CCNJL: variants seen among roughly 807,000 people sequenced by gnomAD.
The protein encoded by CCNJL is cyclin-J-like protein.
Under a neutral mutation model 33.4 loss-of-function variants are expected in CCNJL, and 33 were observed. The ratio of observed to expected loss-of-function variants is 0.99; its 90% CI spans 0.75 to 1.32. The LOEUF (loss-of-function observed/expected upper bound fraction) is 1.32, where lower values mean the gene tolerates loss of function less well. Among genes scored for constraint, CCNJL ranks in the 40% most tolerant of loss-of-function variants. The pLI is 0.00. For synonymous variants in CCNJL, 227 were observed against 220.9 expected (o/e 1.03, Z -0.24); for missense variants, 512 against 499.7 (o/e 1.02, Z -0.23).
chr5:160,324,200 C>T (rs1008594162), intron 1 of CCNJL, among the ~76,000 whole-genome samples: 2 of 152,208 alleles, frequency 1.3e-5, no homozygotes, highest in Admixed American at 6.5e-5. Flanking sequence ...TATGAATTGA[C>T]CTCCAGGAAG....
chr5:160,305,110 G>A (rs1430146006), intron 2 of CCNJL, among the ~76,000 whole-genome samples: 1 of 152,062 alleles, frequency 6.6e-6, no homozygotes, highest in Non-Finnish European at 1.5e-5. Flanking sequence ...CACCGCGCCT[G>A]GCCAGGTCAC....
At chr5:160,276,785 CTTTT>C (rs900068669) in intron 3 of CCNJL, among the ~76,000 whole-genome samples, 1 of 151,496 alleles carries the variant, frequency 6.6e-6, no homozygotes, top group African/African-American at 2.4e-5. Flanking sequence ...TTTTATCTCT[CTTTT>C]TTTTTCTTTT....
At chr5:160,286,610 C>G (rs1253479236) in intron 2 of CCNJL, among the ~76,000 whole-genome samples, 4 of 151,948 alleles carry the variant, frequency 2.6e-5, no homozygotes, top group Non-Finnish European at 4.4e-5. Context: ...TGCACTCCAG[C>G]CTGGGTGACA....
intron 3 of CCNJL, among the ~76,000 whole-genome samples, chr5:160,273,019 C>T (rs1407740440): frequency 6.6e-6 from 1 of 152,220 alleles, no homozygotes; most frequent in Non-Finnish European, 1.5e-5. Flanking sequence ...AGTAAATCCA[C>T]AAGCGCTGAT....
At chr5:160,269,267 T>C (rs1761731460) in intron 3 of CCNJL, among the ~76,000 whole-genome samples, 1 of 152,212 alleles carries the variant, frequency 6.6e-6, no homozygotes, top group South Asian at 2.1e-4. Flanking sequence ...TGCTCCGCTT[T>C]ACACGTGACC....
chr5:160,269,230 G>A (rs897848799), intron 3 of CCNJL, among the ~76,000 whole-genome samples: 1 of 152,172 alleles, frequency 6.6e-6, no homozygotes, highest in South Asian at 2.1e-4. Flanking sequence ...ATCACACTGC[G>A]GCCTCAGGCA....
chr5:160,303,700 C>CTCTG (rs1554123408), intron 2 of CCNJL, among the ~76,000 whole-genome samples: 10 of 104,232 alleles, frequency 9.6e-5, no homozygotes, highest in African/African-American at 3.9e-4. Context: ...CTCTGTGTGT[C>CTCTG]TGTGTGTGTG....
chr5:160,295,776 C>A (rs1762732664), intron 2 of CCNJL, among the ~76,000 whole-genome samples: 1 of 152,174 alleles, frequency 6.6e-6, no homozygotes, highest in Admixed American at 6.5e-5. Context: ...TCCCCTAGAG[C>A]CTTCAGAGGG....
At position 160,251,826 on chromosome 5, in the gene CCNJL, C is replaced by T. The variant is rs539527391; in HGVS notation, c.*1552G>A. On this transcript the variant is annotated 3_prime_UTR_variant, in exon 6 of 6. Coordinates refer to ENST00000257536, the MANE Select transcript of CCNJL (RefSeq NM_001308173.3). The stretch of plus-strand genomic sequence containing the variant: ...AGGTTGGCAAAGGAAAAAAAAACAA[C>T]AACAAATGAACGTGCAGCCTCCTAT... 2 of 152,272 alleles carry T rather than the reference C, an allele frequency of 1.3e-5. No individual in the cohort carries two copies. Among genetic ancestry groups the T allele is most frequent in the African/African-American group, 4.8e-5 (2 of 41,558 alleles). The allele number at this position is 152,272 out of a possible 1,614,324, so 9.4% of individuals were successfully genotyped here.
At chr5:160,282,318 G>C (rs73817377) in intron 2 of CCNJL, among the ~76,000 whole-genome samples, 2,589 of 150,414 alleles carry the variant, frequency 0.017, 72 homozygotes, top group African/African-American at 0.062. Flanking sequence ...GAATAAGATA[G>C]ACATAGACAT....
chr5:160,264,528 A>G (rs1761491396), intron 3 of CCNJL, among the ~76,000 whole-genome samples: 1 of 151,314 alleles, frequency 6.6e-6, no homozygotes, highest in Non-Finnish European at 1.5e-5. Context: ...CTGTGGATCC[A>G]GCTTACAGAC....
At chr5:160,297,437 A>G (rs1373946643) in intron 2 of CCNJL, among the ~76,000 whole-genome samples, 1 of 152,168 alleles carries the variant, frequency 6.6e-6, no homozygotes, top group Non-Finnish European at 1.5e-5. Flanking sequence ...TTCCTGAAAC[A>G]TGGCTCTGGG....
chr5:160,308,186 C>G (rs527845033), intron 2 of CCNJL, among the ~76,000 whole-genome samples: 2 of 152,340 alleles, frequency 1.3e-5, no homozygotes, highest in African/African-American at 4.8e-5. Context: ...TGTCTTGCAG[C>G]AACCCTAAGT....
intron 1 of CCNJL, among the ~76,000 whole-genome samples, chr5:160,327,294 G>A (rs934367008): frequency 6.6e-6 from 1 of 152,190 alleles, no homozygotes; most frequent in African/African-American, 2.4e-5. Flanking sequence ...TTTAGTGATA[G>A]CTACTTTGTG....
chr5:160,312,710 TC>T, upstream of CCNJL: 1 of 152,064 alleles, frequency 6.6e-6, no homozygotes, highest in Non-Finnish European at 1.5e-5. Context: ...CTGCCCGCCC[TC>T]CTCCCTCGCT....
intron 4 of CCNJL, among the ~76,000 whole-genome samples, chr5:160,257,529 A>C (rs1037499041): frequency 6.6e-6 from 1 of 151,450 alleles, no homozygotes; most frequent in African/African-American, 2.4e-5. Flanking sequence ...TGGGTAAGTT[A>C]CAGCTGGGTG....
chr5:160,336,032 C>T (rs1763680801), intron 1 of CCNJL, among the ~76,000 whole-genome samples: 1 of 152,164 alleles, frequency 6.6e-6, no homozygotes, highest in African/African-American at 2.4e-5. Flanking sequence ...TTCAGACTCT[C>T]CCCTTCTTTA....
In CCNJL at chr5:160,282,966, A is replaced by AATATATAT. The variant is rs70990720; in HGVS notation, c.67-2236_67-2229dup. ...GTGACCCAGCCATTCCAGTCCTTGG[A>AATATATAT]ATATATATATATATATATATATATA... On this transcript the variant is annotated intron_variant, in intron 2 of 5. Transcript: ENST00000257536. 5.8e-3 allele frequency among the ~76,000 whole-genome samples: 250 copies of AATATATAT among 43,278 alleles called. 8 individuals carry two copies. The highest frequency in any genetic ancestry group is 8.0e-3 in the Non-Finnish European group (168 of 21,080). The allele number at this position is 43,278 out of a possible 152,430, so 28.4% of individuals were successfully genotyped here. A position where few individuals can be genotyped will look rare whatever the true frequency, so the allele number is the denominator to read the frequency against.
intron 1 of CCNJL, among the ~76,000 whole-genome samples, chr5:160,337,003 CTTTTTTTTT>C (rs35461944): frequency 2.1e-5 from 2 of 95,060 alleles, no homozygotes; most frequent in African/African-American, 7.8e-5. Flanking sequence ...CTTTTTCTTT[CTTTTTTTTT>C]TTTTTTTTTT....
Sources: allele counts gnomAD v4.1 joint callset (sites outside exome capture counted in the v4.1 genomes callset), GRCh38; gene constraint gnomAD v4.1.1; transcripts MANE v1.5; gene names NCBI Gene and HGNC (gene_info 2026-07-23, HGNC 2026-07-21).